PTPN3: variants seen among roughly 807,000 people sequenced by gnomAD.
PTPN3 encodes the protein tyrosine-protein phosphatase non-receptor type 3.
PTPN3 carries 96 observed loss-of-function variants against 132.7 expected under a neutral mutation model. That is an observed-to-expected ratio of 0.72 (90% CI 0.61 to 0.86). The LOEUF is 0.86. PTPN3 is among the 40% of genes least tolerant of loss of function. The pLI is 0.00. For missense variants in PTPN3, 1,125 were observed against 1,159.6 expected, an observed-to-expected ratio of 0.97 and a Z score of 0.43; for synonymous variants, 398 against 429.0, an observed-to-expected ratio of 0.93 and a Z score of 0.89.
At chr9:109,523,794 G>A in the PTPN3 span, among the ~76,000 whole-genome samples, 2 of 43,558 alleles carry the variant, frequency 4.6e-5, no homozygotes, top group Non-Finnish European at 8.8e-5. Flanking sequence ...CACACATAGT[G>A]TATGCGGCCT....
At chr9:109,432,052 T>C (rs1284702962) in intron 10 of PTPN3, among the ~76,000 whole-genome samples, 2 of 148,712 alleles carry the variant, frequency 1.3e-5, no homozygotes, top group Non-Finnish European at 3.0e-5. Flanking sequence ...TATTCTATTA[T>C]ATAATATAGG....
At chr9:109,427,584 T>C (rs188343067) in intron 11 of PTPN3, among the ~76,000 whole-genome samples, 1 of 152,260 alleles carries the variant, frequency 6.6e-6, no homozygotes, top group Non-Finnish European at 1.5e-5. Context: ...AGTGCTCATA[T>C]GTAATAATCA....
intron 11 of PTPN3, among the ~76,000 whole-genome samples, chr9:109,428,348 T>G (rs1843426029): frequency 6.6e-6 from 1 of 152,234 alleles, no homozygotes; most frequent in Non-Finnish European, 1.5e-5. Context: ...AGACAATCAC[T>G]GGATCCTCCA....
intron 17 of PTPN3, 142 bp from the exon 18 acceptor site, chr9:109,406,760 T>A: frequency 1.1e-6 from 1 of 949,318 alleles, no homozygotes; most frequent in Non-Finnish European, 1.6e-6. Flanking sequence ...TCATTATTTG[T>A]ATAATGCATC....
At chr9:109,514,568 A>C in the PTPN3 span, among the ~76,000 whole-genome samples, 59 of 152,192 alleles carry the variant, frequency 3.9e-4, no homozygotes, top group African/African-American at 1.4e-3. Context: ...TGTATGGAGG[A>C]GAAGCAAAAT....
At chr9:109,416,744 G>T (rs1162061272) in intron 14 of PTPN3, among the ~76,000 whole-genome samples, 3 of 152,046 alleles carry the variant, frequency 2.0e-5, no homozygotes, top group African/African-American at 4.8e-5. Context: ...ACTATGGCTG[G>T]CCAGCACAGA....
At chr9:109,515,349 A>G in the PTPN3 span, among the ~76,000 whole-genome samples, 3 of 152,128 alleles carry the variant, frequency 2.0e-5, no homozygotes, top group Non-Finnish European at 2.9e-5. Context: ...TCCATCCTCC[A>G]TGAGATCTAC....
the PTPN3 span, among the ~76,000 whole-genome samples, chr9:109,507,891 CT>C: frequency 1.3e-5 from 2 of 152,256 alleles, no homozygotes; most frequent in East Asian, 3.9e-4. Context: ...CATTTTTCAC[CT>C]TCTTGGGTGT....
intron 9 of PTPN3, among the ~76,000 whole-genome samples, chr9:109,434,411 T>TGATC (rs1344790569): frequency 6.7e-6 from 1 of 148,662 alleles, no homozygotes; most frequent in East Asian, 2.0e-4. Context: ...TGGGCTCAAG[T>TGATC]GATCCTACAG....
chr9:109,451,498 C>T, intron 5 of PTPN3: 1 of 754,778 alleles, frequency 1.3e-6, no homozygotes, highest in Non-Finnish European at 1.6e-6. Context: ...CTGTAGCCTC[C>T]ACCCACTGGC....
At chr9:109,473,352 GC>G (rs1479390798) in intron 1 of PTPN3, among the ~76,000 whole-genome samples, 2 of 152,146 alleles carry the variant, frequency 1.3e-5, no homozygotes, top group Admixed American at 1.3e-4. Context: ...GTAATTACTG[GC>G]CTTCTTTTCA....
chr9:109,415,661 T>G lies in PTPN3; in HGVS notation c.1313+4763A>C, dbSNP rs544927148. Among the ~76,000 whole-genome samples the G allele has an allele frequency of 5.4e-4, 82 of 152,222 alleles. No homozygotes were observed. In the South Asian group the frequency reaches 0.017, roughly 31 times the overall value. On this transcript the variant is annotated intron_variant, in intron 14 of 25. Coordinates refer to ENST00000374541, the MANE Select transcript of PTPN3 (RefSeq NM_002829.4). ...GACGATGGTGGCTGCATGGGGGCAG[T>G]GCAGTGGGGATGGTGGAGGAGTCAA...
Position 109,428,626 on chromosome 9 carries a change from T to C in PTPN3, c.823A>G (p.Lys275Glu), listed in dbSNP as rs1047132115. Residue 275 changes from lysine (K) to glutamate (E), a missense_variant, in exon 11 of 26, where the codon AAA (lysine) becomes GAA (glutamate). Coordinates refer to ENST00000374541, the MANE Select transcript of PTPN3 (RefSeq NM_002829.4). ...GCAAAGACATAACTACTCACCTGTT[T>C]CTGTCGCTGATGTATGAAGAACTTT... The part of the protein sequence containing the change: ...RKKFFIHQRQ[K>E]QAESREHIVA... 1 of 1,613,540 alleles carries C rather than the reference T, an allele frequency of 6.2e-7. No individual in the cohort carries two copies. The highest frequency in any genetic ancestry group is 1.3e-5 in the African/African-American group (1 of 74,918).
At chr9:109,391,036 A>G (rs1840035433) in intron 21 of PTPN3, 102 bp downstream of exon 21, 2 of 1,049,730 alleles carry the variant, frequency 1.9e-6, no homozygotes, top group Non-Finnish European at 2.8e-6. Flanking sequence ...GCGGTGGTGA[A>G]CGGGAAAGCA....
the PTPN3 span, among the ~76,000 whole-genome samples, chr9:109,534,570 A>T: frequency 6.8e-6 from 1 of 146,722 alleles, no homozygotes; most frequent in Non-Finnish European, 1.5e-5. Context: ...TGAGGTCAGG[A>T]GTTCGAGACC....
At chr9:109,462,596 G>A (rs1000300708) in intron 2 of PTPN3, among the ~76,000 whole-genome samples, 12 of 152,178 alleles carry the variant, frequency 7.9e-5, no homozygotes, top group Middle Eastern at 3.4e-3. Flanking sequence ...CAAAGGTCAC[G>A]GGCTCGGTGG....
At chr9:109,461,056 CA>C (rs1845823710) in intron 2 of PTPN3, among the ~76,000 whole-genome samples, 1 of 152,220 alleles carries the variant, frequency 6.6e-6, no homozygotes, top group Admixed American at 6.5e-5. Context: ...TATTAGTGTA[CA>C]GCATCTGGAA....
At chr9:109,538,136 C>T in the PTPN3 span, among the ~76,000 whole-genome samples, 50,483 of 152,086 alleles carry the variant, frequency 0.33, 9,073 homozygotes, top group Middle Eastern at 0.45. Context: ...TGATTTTCCT[C>T]CCTTAATGTT....
chr9:109,483,749 C>T (rs1442645651), intron 1 of PTPN3, among the ~76,000 whole-genome samples: 6 of 152,184 alleles, frequency 3.9e-5, no homozygotes, highest in South Asian at 2.1e-4. Flanking sequence ...AGACCCCAGA[C>T]GCCTGGAAAC....
Sources: allele counts gnomAD v4.1 joint callset (sites outside exome capture counted in the v4.1 genomes callset), GRCh38; gene constraint gnomAD v4.1.1; transcripts MANE v1.5; gene names NCBI Gene and HGNC (gene_info 2026-07-23, HGNC 2026-07-21).